The following FBXO42 variants were observed in gnomAD, a reference collection of about 807,000 sequenced individuals.
The protein encoded by FBXO42 is F-box protein 42.
Under a neutral mutation model 71.7 loss-of-function variants are expected in FBXO42, and 12 were observed. That is an observed-to-expected ratio of 0.17 (90% confidence interval 0.11 to 0.27). FBXO42 has a LOEUF of 0.27. Ranked by LOEUF, FBXO42 falls within the 10% of genes least tolerant of loss-of-function variation. The pLI is 1.00. For synonymous variants in FBXO42, 325 were observed against 327.5 expected, an observed-to-expected ratio of 0.99 and a Z score of 0.08; for missense variants, 707 against 911.9, an observed-to-expected ratio of 0.78 and a Z score of 2.89.
chr1:16,279,037 A>C (rs1569850652), intron 4 of FBXO42, among the ~76,000 whole-genome samples: 1 of 152,024 alleles, frequency 6.6e-6, no homozygotes, highest in African/African-American at 2.4e-5. Context: ...CGGCCTCCCA[A>C]AGTGCTGGGA....
intron 2 of FBXO42, among the ~76,000 whole-genome samples, chr1:16,312,074 G>C (rs1004472380): frequency 4.6e-5 from 7 of 152,120 alleles, no homozygotes; most frequent in African/African-American, 1.7e-4. Context: ...AAGAAATGGA[G>C]GAAGCCGGGC....
chr1:16,326,659 G>A (rs2082455008), intron 1 of FBXO42, among the ~76,000 whole-genome samples: 2 of 148,292 alleles, frequency 1.3e-5, no homozygotes, highest in South Asian at 4.3e-4. Flanking sequence ...ATTGCAACCT[G>A]GGCAACAGAA....
intron 1 of FBXO42, among the ~76,000 whole-genome samples, chr1:16,331,620 TG>T (rs1470668560): frequency 4.0e-5 from 6 of 148,962 alleles, no homozygotes; most frequent in Non-Finnish European, 7.4e-5. Context: ...CCCAGCCTGG[TG>T]GTGGGCACCT....
intron 4 of FBXO42, among the ~76,000 whole-genome samples, chr1:16,259,900 C>T (rs1294770929): frequency 5.3e-5 from 8 of 152,074 alleles, no homozygotes; most frequent in Non-Finnish European, 1.2e-4. Flanking sequence ...AAAGACTACA[C>T]TTTAGATCTG....
In FBXO42 at chr1:16,247,036, C is replaced by G. The variant is rs927296196; in HGVS notation, c.*3634G>C. 6.6e-6 allele frequency: 1 copy of G among 152,234 alleles called. No individual in the cohort carries two copies. The highest frequency in any genetic ancestry group is 1.5e-5 in the Non-Finnish European group (1 of 68,064). 9.4% of individuals were successfully genotyped at this position (152,234 alleles called of 1,614,324 possible). The stretch of plus-strand genomic sequence containing the variant: ...TGTATGGGAAACATCACTCACAGCA[C>G]CAGCTTCGCCAGGGCACATGGGGTG... On this transcript the variant is annotated 3_prime_UTR_variant, in exon 10 of 10. Coordinates refer to ENST00000375592, the MANE Select transcript of FBXO42 (RefSeq NM_018994.3).
intron 4 of FBXO42, among the ~76,000 whole-genome samples, chr1:16,264,000 G>A (rs1474833481): frequency 1.3e-5 from 2 of 151,828 alleles, no homozygotes; most frequent in African/African-American, 2.4e-5. Context: ...TAGTAGAGAC[G>A]AGGTTTCACC....
intron 1 of FBXO42, among the ~76,000 whole-genome samples, chr1:16,335,585 G>A (rs2082545420): frequency 6.6e-6 from 1 of 152,000 alleles, no homozygotes; most frequent in Non-Finnish European, 1.5e-5. Flanking sequence ...TTTTGACTGG[G>A]CCAGGCACAG....
intron 1 of FBXO42, among the ~76,000 whole-genome samples, chr1:16,336,328 T>C (rs979125044): frequency 1.3e-5 from 2 of 151,984 alleles, no homozygotes; most frequent in African/African-American, 2.4e-5. Context: ...CCCACCTCTA[T>C]GATCCTTTAT....
chr1:16,295,526 G>A (rs981504524), intron 3 of FBXO42, among the ~76,000 whole-genome samples: 5 of 152,014 alleles, frequency 3.3e-5, no homozygotes, highest in South Asian at 2.1e-4. Flanking sequence ...AAGTAGCTGG[G>A]ATTACAGGTG....
intron 1 of FBXO42, among the ~76,000 whole-genome samples, chr1:16,348,630 G>C (rs1314526969): frequency 6.6e-6 from 1 of 152,136 alleles, no homozygotes; most frequent in Non-Finnish European, 1.5e-5. Flanking sequence ...GAACCCGGGA[G>C]GTAGAGGTTA....
At chr1:16,341,625 A>G (rs2100633823) in intron 1 of FBXO42, among the ~76,000 whole-genome samples, 1 of 126,004 alleles carries the variant, frequency 7.9e-6, no homozygotes, top group East Asian at 2.2e-4. Flanking sequence ...AAAAAAAAAA[A>G]AAAAAAAAAG....
chr1:16,265,840 C>G (rs2081765909), intron 4 of FBXO42, among the ~76,000 whole-genome samples: 1 of 151,508 alleles, frequency 6.6e-6, no homozygotes, highest in South Asian at 2.1e-4. Context: ...GCTCACAAAG[C>G]CTTTTGGTCC....
At chr1:16,321,197 A>T (rs577596709) in intron 1 of FBXO42, among the ~76,000 whole-genome samples, 1 of 152,288 alleles carries the variant, frequency 6.6e-6, no homozygotes, top group East Asian at 1.9e-4. Context: ...ATCAAACCCC[A>T]TACCTTTGAG....
chr1:16,271,258 G>GGTGTGTGTGTGTGTGT (rs57827739), intron 4 of FBXO42, among the ~76,000 whole-genome samples: 37 of 137,506 alleles, frequency 2.7e-4, no homozygotes, highest in African/African-American at 7.1e-4. Context: ...TGTGTGTGTT[G>GGTGTGTGTGTGTGTGT]GTGTGTGTGT....
intron 2 of FBXO42, among the ~76,000 whole-genome samples, chr1:16,309,128 C>T (rs373727083): frequency 4.1e-5 from 5 of 122,766 alleles, no homozygotes; most frequent in African/African-American, 1.6e-4. Context: ...AGTGCTGTGG[C>T]GCGATCTTGG....
At position 16,269,107 on chromosome 1, in the gene FBXO42, CTT is replaced by C. The variant is rs111496206; in HGVS notation, c.503-12350_503-12349del. 2.9e-3 allele frequency among the ~76,000 whole-genome samples: 387 copies of C among 132,954 alleles called. 5 individuals carry two copies. In the East Asian group the frequency reaches 0.058, roughly 20 times the overall value. 87.2% of individuals were successfully genotyped at this position (132,954 alleles called of 152,430 possible). On this transcript the variant is annotated intron_variant, in intron 4 of 9. Coordinates refer to ENST00000375592, the MANE Select transcript of FBXO42 (RefSeq NM_018994.3). ...TACAGGCGTGAGCCACCGCACCTGG[CTT>C]TTTTTTTTTTTGTGACAGAGTCTCT...
At chr1:16,350,757 A>AGAAAAGAAAGAAAG (rs1553156684) in intron 1 of FBXO42, among the ~76,000 whole-genome samples, 1 of 44,248 alleles carries the variant, frequency 2.3e-5, no homozygotes, top group Admixed American at 3.8e-4. Flanking sequence ...AAAAAAAAAA[A>AGAAAAGAAAGAAAG]AAAGAAAGAA....
rs925986836 is a variant in FBXO42, at chr1:16,251,568, G to A, written c.1256C>T (p.Thr419Ile). The change falls in exon 10 of 10, where the codon ACT becomes ATT. Residue 419 changes from threonine to isoleucine, a missense_variant. This residue lies in a region of FBXO42 where 482 missense variants were observed against 587.1 expected (regional missense o/e 0.82). Coordinates refer to ENST00000375592, the MANE Select transcript of FBXO42 (RefSeq NM_018994.3). The surrounding 1 kb of genome is among the most constrained non-coding windows in gnomAD (Gnocchi z 4.5). ...GCTCCCTTCCCGGGAACCTGAAGGAGTCTGCCTTTGAGCCCTGGGTCTCAG... is the reference window on the plus strand; with the variant it reads ...GCTCCCTTCCCGGGAACCTGAAGGAATCTGCCTTTGAGCCCTGGGTCTCAG... Reference protein sequence around the residue: ...GTLRPRAQRQTPSGSREGSLS... With the variant: ...GTLRPRAQRQIPSGSREGSLS... The A allele has an allele frequency of 7.4e-6, 12 of 1,614,058 alleles. No individual in the cohort carries two copies. In the African/African-American group the frequency reaches 1.5e-4, roughly 20 times the overall value.
chr1:16,335,627 A>G (rs1170759332), intron 1 of FBXO42, among the ~76,000 whole-genome samples: 1 of 152,056 alleles, frequency 6.6e-6, no homozygotes, highest in Non-Finnish European at 1.5e-5. Context: ...CCACTTTGGG[A>G]GGCCGAGGCG....
Sources: gnomAD v4.1 joint callset for allele counts (sites outside exome capture counted in the v4.1 genomes callset) on GRCh38, gnomAD v4.1.1 for gene constraint, gnomAD v4.1.1 regional missense constraint, Gnocchi (gnomAD v3.1) non-coding constraint, MANE v1.5 for transcripts, NCBI Gene and HGNC (gene_info 2026-07-23, HGNC 2026-07-21) for gene names.